Variants in SUDS3 observed in about 807,000 individuals in gnomAD.
The protein encoded by SUDS3 is sin3 histone deacetylase corepressor complex component SDS3.
SUDS3 carries 23 observed loss-of-function variants against 53.5 expected under a neutral mutation model. The ratio of observed to expected loss-of-function variants is 0.43; its 90% CI spans 0.31 to 0.61. The LOEUF (loss-of-function observed/expected upper bound fraction) is 0.61, where lower values mean the gene tolerates loss of function less well. Ranked by LOEUF, SUDS3 falls within the 20% of genes least tolerant of loss-of-function variation. SUDS3 has a pLI of 0.10. For missense variants in SUDS3, 291 were observed against 405.9 expected (o/e 0.72, Z 2.43); for synonymous variants, 150 against 148.5 (o/e 1.01, Z -0.08).
chr12:118,390,086 T>C, intron 5 of SUDS3, 140 bp downstream of exon 5: 1 of 1,050,798 alleles, frequency 9.5e-7, no homozygotes, highest in Non-Finnish European at 1.5e-6. Context: ...TTAAGGACAT[T>C]TGGTCTCAGC....
intron 3 of SUDS3, among the ~76,000 whole-genome samples, chr12:118,384,559 G>A (rs574421065): frequency 1.2e-4 from 18 of 152,274 alleles, no homozygotes; most frequent in African/African-American, 3.6e-4. Context: ...GAGGCCAGGC[G>A]CGGTGGCTCA....
chr12:118,392,384 C>T (rs78797267), intron 6 of SUDS3, among the ~76,000 whole-genome samples: 1 of 152,146 alleles, frequency 6.6e-6, no homozygotes, highest in Non-Finnish European at 1.5e-5. Context: ...GGCTCCAATC[C>T]TCATGATACA....
intron 2 of SUDS3, among the ~76,000 whole-genome samples, chr12:118,382,360 GACA>G (rs2046073806): frequency 1.3e-5 from 1 of 79,254 alleles, no homozygotes; most frequent in South Asian, 3.9e-4. Context: ...TTTTTTTTGA[GACA>G]GTAGCCACTT....
intron 10 of SUDS3, among the ~76,000 whole-genome samples, chr12:118,409,179 G>C (rs552121583): frequency 2.0e-5 from 3 of 146,694 alleles, no homozygotes; most frequent in African/African-American, 7.6e-5. Context: ...ATAGAGTCTC[G>C]CTCTGTTGCT....
Position 118,403,588 on chromosome 12 carries a change from G to A in SUDS3, c.803+71G>A. 4 of 1,276,342 alleles carry A rather than the reference G, an allele frequency of 3.1e-6. 1 individual carries two copies. The South Asian group carries it at 5.1e-5, about 16-fold the overall frequency. The allele number at this position is 1,276,342 out of a possible 1,614,324, so 79.1% of individuals were successfully genotyped here. On this transcript the variant is annotated intron_variant, in intron 10 of 11. Transcript: ENST00000543473. ...ACTTGGAAAGAGGGCTGGGGCTATT[G>A]TAGTTATTTCAGATCACGGCTGCTG...
intron 1 of SUDS3, among the ~76,000 whole-genome samples, chr12:118,377,302 G>A (rs996098509): frequency 6.6e-6 from 1 of 152,032 alleles, no homozygotes; most frequent in Non-Finnish European, 1.5e-5. Context: ...AAGGGACCTA[G>A]AACCAGCCAG....
intron 10 of SUDS3, among the ~76,000 whole-genome samples, chr12:118,410,703 TCTC>T (rs1361836670): frequency 6.6e-6 from 1 of 152,018 alleles, no homozygotes; most frequent in Middle Eastern, 3.2e-3. Context: ...TTCACACCAT[TCTC>T]CTGCCTCAGC....
At chr12:118,400,810 A>G (rs376230406) in intron 7 of SUDS3, 56 bp downstream of exon 7, 12 of 1,525,312 alleles carry the variant, frequency 7.9e-6, no homozygotes, top group African/African-American at 6.8e-5. Flanking sequence ...GTGGAATCCT[A>G]TGTTTATCCG....
At chr12:118,400,819 C>A in intron 7 of SUDS3, 65 bp downstream of exon 7, 2 of 1,470,418 alleles carry the variant, frequency 1.4e-6, no homozygotes, top group South Asian at 1.1e-5. Context: ...TATGTTTATC[C>A]GTTTGCTAGG....
In SUDS3 at chr12:118,403,516, T is replaced by A; in HGVS notation, c.802T>A (p.Trp268Arg). Residue 268 changes from tryptophan (W) to arginine (R), a missense_variant and splice_region_variant, in exon 10 of 12, where the codon TGG becomes AGG. By Grantham distance (101) the Trp-to-Arg change is moderately radical (BLOSUM62 -3). Transcript: ENST00000543473. ...EDGKLYYDKRWYHKSQAIYLE... is the reference protein window; with the variant it reads ...EDGKLYYDKRRYHKSQAIYLE... The stretch of plus-strand genomic sequence containing the variant: ...TGGCAAACTGTACTATGACAAAAGA[T>A]GGTATGTTATGGGAAAACCTGGACT... 1 of 1,610,512 alleles carries A rather than the reference T, an allele frequency of 6.2e-7. No individual in the cohort carries two copies. Among genetic ancestry groups the A allele is most frequent in the Non-Finnish European group, 8.5e-7 (1 of 1,178,212 alleles).
intron 10 of SUDS3, among the ~76,000 whole-genome samples, chr12:118,409,184 G>C (rs571871154): frequency 4.8e-4 from 70 of 144,746 alleles, no homozygotes; most frequent in South Asian, 8.7e-4. Context: ...GTCTCGCTCT[G>C]TTGCTCAGGC....
chr12:118,403,277 C>T (rs2046280022), intron 9 of SUDS3, 135 bp from the exon 10 acceptor site: 2 of 717,576 alleles, frequency 2.8e-6, no homozygotes, highest in Admixed American at 2.3e-5. Flanking sequence ...TTGCTGAAAT[C>T]CCATGCATTA....
intron 5 of SUDS3, 108 bp from the exon 6 acceptor site, chr12:118,391,017 GA>G: frequency 8.2e-7 from 1 of 1,220,484 alleles, no homozygotes; most frequent in Non-Finnish European, 1.2e-6. Context: ...AAGTGTGTGT[GA>G]GGGGGAAACT....
At chr12:118,399,226 G>A (rs2046242646) in intron 6 of SUDS3, among the ~76,000 whole-genome samples, 1 of 152,164 alleles carries the variant, frequency 6.6e-6, no homozygotes. Context: ...AAGATGGCTG[G>A]GTGTGGTGAC....
chr12:118,395,682 C>T (rs542741212), intron 6 of SUDS3, among the ~76,000 whole-genome samples: 1 of 152,066 alleles, frequency 6.6e-6, no homozygotes, highest in East Asian at 1.9e-4. Context: ...AACATTAATT[C>T]TTGTGGATTG....
At chr12:118,409,225 G>T (rs1173700650) in intron 10 of SUDS3, among the ~76,000 whole-genome samples, 1 of 150,968 alleles carries the variant, frequency 6.6e-6, no homozygotes. Flanking sequence ...TTGGCTTGCT[G>T]CAAGCTCCGC....
At position 118,389,966 on chromosome 12, in the gene SUDS3, T is replaced by G; in HGVS notation, c.360+20T>G. On this transcript the variant is annotated intron_variant, in intron 5 of 11. Transcript: ENST00000543473. Reference sequence around the variant, plus strand: ...CTGGAAGTAAGTACCACGGATCTTCTGGGTTTGCAGGCCCTGTCTGAGACT... The same window carrying G: ...CTGGAAGTAAGTACCACGGATCTTCGGGGTTTGCAGGCCCTGTCTGAGACT... 1 of 1,614,022 alleles carries G rather than the reference T, an allele frequency of 6.2e-7. No homozygotes were observed. Among genetic ancestry groups the G allele is most frequent in the Non-Finnish European group, 8.5e-7 (1 of 1,179,864 alleles).
chr12:118,403,467 G>A lies in SUDS3; in HGVS notation c.753G>A (p.Gln251=). The stretch of plus-strand genomic sequence containing the variant: ...CAACACCCGCGGAATCTCCAGCCCA[G>A]AGGTTCGAAGCTCGGATAGAAGATG... ...LPATPAESPA[Q]RFEARIEDGK... Residue 251 remains glutamine (Q), a synonymous_variant, in exon 10 of 12, where the codon CAG becomes CAA. Coordinates refer to ENST00000543473, the MANE Select transcript of SUDS3 (RefSeq NM_022491.3). The A allele has an allele frequency of 6.2e-7, 1 of 1,613,780 alleles. No individual in the cohort carries two copies. The highest frequency in any genetic ancestry group is 8.5e-7 in the Non-Finnish European group (1 of 1,179,848).
In SUDS3 at chr12:118,376,842, T is replaced by A; in HGVS notation, c.142+9T>A. 1 of 1,369,466 alleles carries A rather than the reference T, an allele frequency of 7.3e-7. No homozygotes were observed. Among genetic ancestry groups the A allele is most frequent in the Non-Finnish European group, 9.5e-7 (1 of 1,048,348 alleles). The allele number at this position is 1,369,466 out of a possible 1,614,324, so 84.8% of individuals were successfully genotyped here. ...CCGCGAGTCGGACGAAGGTGAGTCC[T>A]GCCGCTCGCCCGGCCGCCCGGAGCG... On this transcript the variant is annotated intron_variant, in intron 1 of 11. Coordinates refer to ENST00000543473, the MANE Select transcript of SUDS3 (RefSeq NM_022491.3).
Sources: allele counts gnomAD v4.1 joint callset (sites outside exome capture counted in the v4.1 genomes callset), GRCh38; gene constraint gnomAD v4.1.1; transcripts MANE v1.5; gene names NCBI Gene and HGNC (gene_info 2026-07-23, HGNC 2026-07-21).